SLC67A1: variants seen among roughly 807,000 people sequenced by gnomAD.
The protein encoded by SLC67A1 is solute carrier family 67 member 1, also known as solute carrier family 67 member A1.
chr11:2,909,477 G>GT, the SLC67A1 span: 8 of 1,437,588 alleles, frequency 5.6e-6, no homozygotes, highest in South Asian at 9.8e-5. Context: ...CTGGACGGGG[G>GT]TGGGGGGCGA....
the SLC67A1 span, among the ~76,000 whole-genome samples, chr11:2,905,291 C>A: frequency 2.0e-5 from 3 of 152,134 alleles, no homozygotes; most frequent in East Asian, 5.8e-4. Context: ...GGACCCAGCA[C>A]AGCCCAGAGC....
At chr11:2,903,259 C>A in the SLC67A1 span, 78 of 1,557,480 alleles carry the variant, frequency 5.0e-5, 1 homozygote, top group South Asian at 9.2e-4. Context: ...CTCAGCACCC[C>A]TGCCCGGATC....
At chr11:2,915,819 C>A in the SLC67A1 span, among the ~76,000 whole-genome samples, 5,601 of 152,282 alleles carry the variant, frequency 0.037, 339 homozygotes, top group African/African-American at 0.13. Flanking sequence ...GCTGGCTGAG[C>A]CCCCAGGAGG....
At chr11:2,903,355 G>A in the SLC67A1 span, 1 of 1,612,886 alleles carries the variant, frequency 6.2e-7, no homozygotes, top group Admixed American at 1.7e-5. Flanking sequence ...GATGCAGGGA[G>A]CTCGGGCTCC....
the SLC67A1 span, chr11:2,909,168 A>C: frequency 6.8e-7 from 1 of 1,470,770 alleles, no homozygotes; most frequent in Non-Finnish European, 9.0e-7. Flanking sequence ...CGCCTCCGTG[A>C]GGGTCCGACC....
At chr11:2,909,828 C>A in the SLC67A1 span, 1 of 1,131,650 alleles carries the variant, frequency 8.8e-7, no homozygotes, top group Non-Finnish European at 1.2e-6. Context: ...CGAGTGGCCA[C>A]GTGATGTGGC....
the SLC67A1 span, among the ~76,000 whole-genome samples, chr11:2,906,714 G>C: frequency 7.2e-6 from 1 of 139,742 alleles, no homozygotes; most frequent in Non-Finnish European, 1.5e-5. Context: ...GGGGCCTGTC[G>C]TGGGGTGGGG....
At chr11:2,909,477 G>C in the SLC67A1 span, 1 of 1,437,590 alleles carries the variant, frequency 7.0e-7, no homozygotes, top group Non-Finnish European at 9.1e-7. Flanking sequence ...CTGGACGGGG[G>C]TGGGGGGCGA....
the SLC67A1 span, among the ~76,000 whole-genome samples, chr11:2,915,547 G>A: frequency 1.3e-5 from 2 of 152,186 alleles, no homozygotes; most frequent in African/African-American, 4.8e-5. Context: ...TGATCACTGC[G>A]GTCTCCGCGC....
At chr11:2,919,226 C>T in the SLC67A1 span, 3 of 994,834 alleles carry the variant, frequency 3.0e-6, no homozygotes, top group South Asian at 2.7e-5. Context: ...CCTGATTGGC[C>T]AGGCTGCTGA....
the SLC67A1 span, among the ~76,000 whole-genome samples, chr11:2,901,585 G>C: frequency 0.016 from 2,430 of 152,352 alleles, 66 homozygotes; most frequent in African/African-American, 0.055. Flanking sequence ...TGCGCAGCGT[G>C]GGGTGTGTGT....
chr11:2,914,656 T>C, the SLC67A1 span: 1 of 974,884 alleles, frequency 1.0e-6, no homozygotes, highest in Non-Finnish European at 1.2e-6. Context: ...CCACCACCGC[T>C]CGAGGGCCTG....
the SLC67A1 span, chr11:2,914,717 G>T: frequency 5.1e-6 from 5 of 985,328 alleles, no homozygotes; most frequent in African/African-American, 8.7e-5. Flanking sequence ...AATAGCCATC[G>T]AAGTGGTGCG....
chr11:2,913,437 A>T, the SLC67A1 span, among the ~76,000 whole-genome samples: 1 of 151,934 alleles, frequency 6.6e-6, no homozygotes. Context: ...GTTTGGTTGG[A>T]GGGCTATGTG....
At chr11:2,906,897 A>AAAG in the SLC67A1 span, among the ~76,000 whole-genome samples, 1,503 of 150,316 alleles carry the variant, frequency 1.0e-2, 21 homozygotes, top group African/African-American at 0.032. Context: ...GAAAAAAAAA[A>AAAG]AGAGAAGCTC....
the SLC67A1 span, among the ~76,000 whole-genome samples, chr11:2,906,809 A>T: frequency 6.6e-6 from 1 of 152,138 alleles, no homozygotes; most frequent in Non-Finnish European, 1.5e-5. Context: ...GCACATGTAT[A>T]CATATGTAAC....
At chr11:2,905,722 C>CT in the SLC67A1 span, among the ~76,000 whole-genome samples, 1 of 152,188 alleles carries the variant, frequency 6.6e-6, no homozygotes, top group Non-Finnish European at 1.5e-5. Context: ...AGAGAGGAGG[C>CT]TGCAAGGTGA....
chr11:2,916,535 G>A, the SLC67A1 span: 1 of 966,096 alleles, frequency 1.0e-6, no homozygotes, highest in Non-Finnish European at 1.6e-6. Context: ...CTATTTTAGT[G>A]CAACCAAAGG....
chr11:2,904,193 G>C, the SLC67A1 span, among the ~76,000 whole-genome samples: 1 of 152,238 alleles, frequency 6.6e-6, no homozygotes, highest in South Asian at 2.1e-4. Context: ...AGCTCAGGCA[G>C]AGTCAGGGCC....
Sources: gnomAD v4.1 joint callset for allele counts (sites outside exome capture counted in the v4.1 genomes callset) on GRCh38, gnomAD v4.1.1 for gene constraint, MANE v1.5 for transcripts, NCBI Gene and HGNC (gene_info 2026-07-23, HGNC 2026-07-21) for gene names.